The following PTPRK variants were observed in gnomAD, a reference collection of about 807,000 sequenced individuals.
PTPRK encodes receptor-type tyrosine-protein phosphatase kappa.
PTPRK carries 75 observed loss-of-function variants against 178.0 expected under a neutral mutation model. The ratio of observed to expected loss-of-function variants is 0.42; its 90% CI spans 0.35 to 0.51. PTPRK has a LOEUF of 0.51. Among genes scored for constraint, PTPRK ranks in the 20% least tolerant of loss-of-function variants. The pLI is 0.02. For synonymous variants in PTPRK, 637 were observed against 620.6 expected (o/e 1.03, Z -0.39); for missense variants, 1,441 against 1,797.8 (o/e 0.80, Z 3.59).
intron 3 of PTPRK, among the ~76,000 whole-genome samples, chr6:128,245,608 T>TGAGATG (rs1815312167): frequency 6.6e-6 from 1 of 152,120 alleles, no homozygotes; most frequent in African/African-American, 2.4e-5. Context: ...AAGCTGAAAG[T>TGAGATG]GAGATGGAGG....
intron 1 of PTPRK, among the ~76,000 whole-genome samples, chr6:128,476,941 T>C (rs1851450323): frequency 1.3e-5 from 2 of 151,908 alleles, no homozygotes; most frequent in South Asian, 4.1e-4. Context: ...TACTAGGATG[T>C]TACCACAGTA....
chr6:128,263,285 G>A lies in PTPRK; in HGVS notation c.496-20683C>T, dbSNP rs995806099. Among the ~76,000 whole-genome samples, 9 of 152,162 alleles carry A rather than the reference G, an allele frequency of 5.9e-5. No individual in the cohort carries two copies. In the East Asian group the frequency reaches 1.3e-3, roughly 23 times the overall value. ...TCTCATTATAGAGACTATTAATGAGGGAACACTTGCTGCTGTAGCCTGTAG... is the reference window on the plus strand; with the variant it reads ...TCTCATTATAGAGACTATTAATGAGAGAACACTTGCTGCTGTAGCCTGTAG... On this transcript the variant is annotated intron_variant, in intron 3 of 29. Transcript: ENST00000368226.
intron 7 of PTPRK, among the ~76,000 whole-genome samples, chr6:128,167,248 A>G (rs1301535444): frequency 6.6e-6 from 1 of 151,962 alleles, no homozygotes; most frequent in Non-Finnish European, 1.5e-5. Context: ...TTAAGATTAC[A>G]TTAACACAGC....
At chr6:128,491,904 T>C in intron 1 of PTPRK, 3 of 462,686 alleles carry the variant, frequency 6.5e-6, no homozygotes, top group Non-Finnish European at 1.3e-5. Flanking sequence ...GCAGGAAGAA[T>C]ACTTGGCAAT....
At chr6:128,486,362 A>G in intron 1 of PTPRK, among the ~76,000 whole-genome samples, 1 of 152,208 alleles carries the variant, frequency 6.6e-6, no homozygotes, top group African/African-American at 2.4e-5. Flanking sequence ...TAACATGGAT[A>G]AAGTGGTAAA....
rs558469420 is a variant in PTPRK, at chr6:128,319,477, T to C, written c.495+2562A>G. On this transcript the variant is annotated intron_variant, in intron 3 of 29. Transcript: ENST00000368226. ...ATGTGACCTCACAGTATGTGTCTAATAGTAGATGTTACAATAAATAAAAAA... is the reference window on the plus strand; with the variant it reads ...ATGTGACCTCACAGTATGTGTCTAACAGTAGATGTTACAATAAATAAAAAA... 1.1e-3 allele frequency among the ~76,000 whole-genome samples: 169 copies of C among 152,254 alleles called. 3 individuals carry two copies. In the South Asian group the frequency reaches 0.033, roughly 30 times the overall value.
At chr6:128,306,483 A>G (rs1334229079) in intron 3 of PTPRK, among the ~76,000 whole-genome samples, 1 of 152,208 alleles carries the variant, frequency 6.6e-6, no homozygotes, top group African/African-American at 2.4e-5. Flanking sequence ...ACAAAGAGGA[A>G]TTAATAATGT....
intron 13 of PTPRK, among the ~76,000 whole-genome samples, chr6:128,039,418 A>G (rs1776787264): frequency 1.3e-5 from 2 of 152,312 alleles, no homozygotes; most frequent in South Asian, 2.1e-4. Flanking sequence ...CTGAAAAGAA[A>G]TGCCCACATT....
intron 27 of PTPRK, among the ~76,000 whole-genome samples, chr6:127,974,120 G>A (rs1774247929): frequency 6.6e-6 from 1 of 151,984 alleles, no homozygotes. Context: ...TATCACCACT[G>A]ACATCAATAC....
At chr6:128,143,924 A>G (rs1054759533) in intron 7 of PTPRK, among the ~76,000 whole-genome samples, 1 of 152,204 alleles carries the variant, frequency 6.6e-6, no homozygotes, top group Non-Finnish European at 1.5e-5. Flanking sequence ...ACTAGTTCAC[A>G]TTCAATTTTT....
At position 128,274,158 on chromosome 6, in the gene PTPRK, C is replaced by T. The variant is rs1473362802; in HGVS notation, c.496-31556G>A. Among the ~76,000 whole-genome samples the T allele has an allele frequency of 6.6e-5, 10 of 152,034 alleles. No homozygotes were observed. In the East Asian group the frequency reaches 1.7e-3, roughly 26 times the overall value. ...AATATTTGCCAATAGAATAGCAAGT[C>T]TAAATAATGACCCACCACTTCAAAG... On this transcript the variant is annotated intron_variant, in intron 3 of 29. Coordinates refer to ENST00000368226, the MANE Select transcript of PTPRK (RefSeq NM_002844.4).
At chr6:128,375,072 T>C (rs1038214401) in intron 2 of PTPRK, among the ~76,000 whole-genome samples, 6 of 146,418 alleles carry the variant, frequency 4.1e-5, no homozygotes, top group Non-Finnish European at 7.5e-5. Context: ...ATTATTATTA[T>C]TATTATTATT....
intron 3 of PTPRK, among the ~76,000 whole-genome samples, chr6:128,260,116 T>C (rs1045847825): frequency 6.6e-6 from 1 of 152,182 alleles, no homozygotes; most frequent in Non-Finnish European, 1.5e-5. Flanking sequence ...GAAAATCTTT[T>C]TTTAGACCTA....
chr6:127,991,227 T>G, intron 20 of PTPRK, 67 bp downstream of exon 20: 4 of 1,188,962 alleles, frequency 3.4e-6, no homozygotes, highest in Non-Finnish European at 3.6e-6. Context: ...CTATTTTGAG[T>G]GTCTTACATG....
intron 7 of PTPRK, among the ~76,000 whole-genome samples, chr6:128,105,489 A>G (rs1048260540): frequency 6.6e-6 from 1 of 152,228 alleles, no homozygotes; most frequent in Admixed American, 6.5e-5. Context: ...CGATGAATAT[A>G]TTAACTTTAA....
chr6:127,987,307 T>A (rs548685568), intron 21 of PTPRK, among the ~76,000 whole-genome samples: 4 of 152,092 alleles, frequency 2.6e-5, no homozygotes, highest in African/African-American at 9.6e-5. Context: ...CCAAATAGGA[T>A]TGTATTAAAT....
intron 1 of PTPRK, among the ~76,000 whole-genome samples, chr6:128,422,244 T>C (rs955227720): frequency 2.6e-5 from 4 of 152,224 alleles, no homozygotes; most frequent in African/African-American, 9.6e-5. Context: ...TAAATTGATT[T>C]CATTATCTTT....
intron 2 of PTPRK, among the ~76,000 whole-genome samples, chr6:128,375,102 T>C: frequency 1.4e-5 from 2 of 148,140 alleles, no homozygotes; most frequent in South Asian, 4.2e-4. Context: ...ATTATTATTA[T>C]TATCCTTTTC....
intron 1 of PTPRK, among the ~76,000 whole-genome samples, chr6:128,454,230 C>T (rs990248803): frequency 1.3e-5 from 2 of 152,178 alleles, no homozygotes; most frequent in African/African-American, 4.8e-5. Context: ...ATCTCCCAGC[C>T]TCCAGAACTG....
Sources: gnomAD v4.1 joint callset for allele counts (sites outside exome capture counted in the v4.1 genomes callset) on GRCh38, gnomAD v4.1.1 for gene constraint, MANE v1.5 for transcripts, NCBI Gene and HGNC (gene_info 2026-07-23, HGNC 2026-07-21) for gene names.